DRAM1: variants seen among roughly 807,000 people sequenced by gnomAD.
DRAM1 encodes DNA damage-regulated autophagy modulator protein 1.
DRAM1 carries 25 observed loss-of-function variants against 28.5 expected under a neutral mutation model. The ratio of observed to expected loss-of-function variants is 0.88; its 90% CI spans 0.64 to 1.23. The LOEUF is 1.23. DRAM1 is among the 50% of genes most tolerant of loss of function. The pLI is 0.00. For missense variants in DRAM1, 249 were observed against 299.2 expected (o/e 0.83, Z 1.24); for synonymous variants, 113 against 114.2 (o/e 0.99, Z 0.07).
At chr12:101,903,959 A>ACCCC (rs1555283244) in intron 3 of DRAM1, among the ~76,000 whole-genome samples, 3 of 124,308 alleles carry the variant, frequency 2.4e-5, no homozygotes, top group Non-Finnish European at 4.5e-5. Context: ...ACACACACAC[A>ACCCC]CACCCCTATA....
intron 4 of DRAM1, among the ~76,000 whole-genome samples, chr12:101,909,854 T>C (rs1873974327): frequency 6.6e-6 from 1 of 152,236 alleles, no homozygotes; most frequent in African/African-American, 2.4e-5. Context: ...GTTCCCCATC[T>C]TTCAAAATAC....
rs191880543 is a variant in DRAM1, at chr12:101,882,705, T to A, written c.131+4785T>A. 1.3e-5 allele frequency among the ~76,000 whole-genome samples: 2 copies of A among 151,262 alleles called. 1 individual carries two copies. Among genetic ancestry groups the A allele is most frequent in the East Asian group, 4.2e-4 (2 of 4,724 alleles). ...TTTGATACTAGTACTGGTGAGAATA[T>A]GGGGAAACAGTCTCTCTCATACATT... is the stretch of plus-strand genomic sequence containing the variant. On this transcript the variant is annotated intron_variant, in intron 1 of 6. Coordinates refer to ENST00000258534, the MANE Select transcript of DRAM1 (RefSeq NM_018370.3).
intron 1 of DRAM1, among the ~76,000 whole-genome samples, chr12:101,896,771 A>G (rs957684665): frequency 2.6e-5 from 4 of 152,004 alleles, no homozygotes; most frequent in African/African-American, 9.7e-5. Flanking sequence ...GAGATCAATA[A>G]TATTGTTCAG....
Position 101,910,369 on chromosome 12 carries a change from T to C in DRAM1, c.520+2006T>C, listed in dbSNP as rs191040288. 2.6e-5 allele frequency among the ~76,000 whole-genome samples: 4 copies of C among 152,314 alleles called. No homozygotes were observed. The East Asian group carries it at 7.7e-4, about 29-fold the overall frequency. On this transcript the variant is annotated intron_variant, in intron 4 of 6. Transcript: ENST00000258534. ...TTTCTTGATGCAGGAAACCTTCCCT[T>C]GCTTCCAACTTCGGAAACAGATCCC...
chr12:101,902,209 A>T (rs1873632051), intron 3 of DRAM1, among the ~76,000 whole-genome samples: 1 of 152,194 alleles, frequency 6.6e-6, no homozygotes, highest in East Asian at 1.9e-4. Context: ...CCTGTGACAC[A>T]TGTTTAAGAA....
intron 3 of DRAM1, among the ~76,000 whole-genome samples, chr12:101,905,244 T>C (rs1873758865): frequency 6.6e-6 from 1 of 152,202 alleles, no homozygotes; most frequent in Admixed American, 6.5e-5. Flanking sequence ...TATATGCCTA[T>C]GTTAGGAATC....
At chr12:101,909,732 C>T (rs1479707092) in intron 4 of DRAM1, among the ~76,000 whole-genome samples, 2 of 152,096 alleles carry the variant, frequency 1.3e-5, no homozygotes, top group Non-Finnish European at 2.9e-5. Flanking sequence ...ATAAATTTAG[C>T]GTGCTTGTAG....
chr12:101,917,171 A>G (rs952707482), intron 5 of DRAM1, among the ~76,000 whole-genome samples: 6 of 152,222 alleles, frequency 3.9e-5, no homozygotes, highest in African/African-American at 1.4e-4. Context: ...AATGGCAAGA[A>G]GTTAAATAGT....
rs753468674 is a variant in DRAM1 at position 101,921,295 on chromosome 12, G to A, written c.*35G>A. 1.6e-5 allele frequency: 26 copies of A among 1,576,248 alleles called. No homozygotes were observed. The highest frequency in any genetic ancestry group is 1.7e-4 in the Middle Eastern group (1 of 6,016). ...AATTCAGTCTCACTCAGTGAATGTCGCAGGCCATTTCTAAAAGTGCTACAG... is the reference window on the plus strand; with the variant it reads ...AATTCAGTCTCACTCAGTGAATGTCACAGGCCATTTCTAAAAGTGCTACAG... On this transcript the variant is annotated 3_prime_UTR_variant, in exon 7 of 7. Transcript: ENST00000258534.
rs202242117 is a variant in DRAM1, at chr12:101,909,629, T to C, written c.520+1266T>C. Among the ~76,000 whole-genome samples, 4 of 152,188 alleles carry C rather than the reference T, an allele frequency of 2.6e-5. No individual in the cohort carries two copies. The East Asian group carries it at 5.8e-4, about 22-fold the overall frequency. ...ACTTATTACTGAGTAAATTAAAATA[T>C]GTTTAGCCTTTTCTTTTTATAGTCA... On this transcript the variant is annotated intron_variant, in intron 4 of 6. Coordinates refer to ENST00000258534, the MANE Select transcript of DRAM1 (RefSeq NM_018370.3).
intron 5 of DRAM1, among the ~76,000 whole-genome samples, chr12:101,918,986 A>G (rs1008196215): frequency 2.0e-5 from 3 of 151,922 alleles, no homozygotes; most frequent in African/African-American, 4.8e-5. Context: ...GAGTGACGCA[A>G]TCATGGTTCA....
intron 1 of DRAM1, among the ~76,000 whole-genome samples, chr12:101,891,785 G>T (rs1249536589): frequency 1.3e-5 from 2 of 152,204 alleles, no homozygotes; most frequent in Non-Finnish European, 2.9e-5. Flanking sequence ...GTGGAGCTGG[G>T]CAGGGCCCAC....
chr12:101,895,394 T>C (rs1873320804), intron 1 of DRAM1, among the ~76,000 whole-genome samples: 1 of 150,858 alleles, frequency 6.6e-6, no homozygotes, highest in Non-Finnish European at 1.5e-5. Context: ...GCCAGGCTGG[T>C]CTCGAACTCC....
At chr12:101,920,414 G>A (rs967330926) in intron 6 of DRAM1, among the ~76,000 whole-genome samples, 20 of 150,106 alleles carry the variant, frequency 1.3e-4, no homozygotes, top group African/African-American at 4.8e-4. Flanking sequence ...TATCCTTAAT[G>A]TGTTTGAGAA....
At chr12:101,894,397 A>C (rs559653844) in intron 1 of DRAM1, among the ~76,000 whole-genome samples, 1 of 152,022 alleles carries the variant, frequency 6.6e-6, no homozygotes, top group Non-Finnish European at 1.5e-5. Context: ...GATTACAGGC[A>C]TGAGCTACCA....
chr12:101,897,786 C>A, intron 1 of DRAM1, 77 bp from the exon 2 acceptor site: 1 of 1,009,472 alleles, frequency 9.9e-7, no homozygotes, highest in Non-Finnish European at 1.5e-6. Context: ...GAATATAAAA[C>A]TCGCCAATTA....
intron 3 of DRAM1, among the ~76,000 whole-genome samples, chr12:101,902,575 T>C (rs898948087): frequency 1.3e-5 from 2 of 152,196 alleles, no homozygotes; most frequent in South Asian, 4.1e-4. Flanking sequence ...TATAGATATA[T>C]CACTTTATCC....
intron 2 of DRAM1, among the ~76,000 whole-genome samples, chr12:101,900,959 T>A (rs1050588041): frequency 1.3e-5 from 2 of 152,114 alleles, no homozygotes; most frequent in East Asian, 3.8e-4. Context: ...AACAATGAAG[T>A]AGATCTGTTT....
intron 1 of DRAM1, among the ~76,000 whole-genome samples, chr12:101,879,802 T>C (rs997703014): frequency 2.6e-5 from 4 of 152,230 alleles, no homozygotes; most frequent in African/African-American, 9.6e-5. Context: ...GAGACCATCC[T>C]GGCCAACATG....
Sources: allele counts gnomAD v4.1 joint callset (sites outside exome capture counted in the v4.1 genomes callset), GRCh38; gene constraint gnomAD v4.1.1; transcripts MANE v1.5; gene names NCBI Gene and HGNC (gene_info 2026-07-23, HGNC 2026-07-21).